The following EIF4ENIF1 variants were observed in gnomAD, a reference collection of about 807,000 sequenced individuals.
The protein encoded by EIF4ENIF1 is eukaryotic translation initiation factor 4E nuclear import factor 1.
Under a neutral mutation model 110.5 loss-of-function variants are expected in EIF4ENIF1, and 23 were observed. That is an observed-to-expected ratio of 0.21 (90% confidence interval 0.15 to 0.29). The LOEUF (loss-of-function observed/expected upper bound fraction) is 0.29, where lower values mean the gene tolerates loss of function less well. EIF4ENIF1 is among the 10% of genes least tolerant of loss of function. EIF4ENIF1 has a pLI of 1.00. For synonymous variants in EIF4ENIF1, 440 were observed against 437.0 expected (o/e 1.01, Z -0.09); for missense variants, 1,031 against 1,221.1 (o/e 0.84, Z 2.32).
At chr22:31,491,756 T>TG, upstream of EIF4ENIF1, among the ~76,000 whole-genome samples, 1 of 152,124 alleles carries the variant, frequency 6.6e-6, no homozygotes, top group Non-Finnish European at 1.5e-5. Context: ...TTGCTCAGGC[T>TG]GGTCTCAAAT....
chr22:31,484,378 G>A (rs1019815169), intron 2 of EIF4ENIF1, among the ~76,000 whole-genome samples: 55 of 152,030 alleles, frequency 3.6e-4, no homozygotes, highest in African/African-American at 1.3e-3. Context: ...AAAACTCTTC[G>A]AATTCTGAAC....
chr22:31,484,796 C>T (rs1411517356), intron 2 of EIF4ENIF1, among the ~76,000 whole-genome samples: 1 of 152,208 alleles, frequency 6.6e-6, no homozygotes, highest in Admixed American at 6.5e-5. Flanking sequence ...GGCGCCATTG[C>T]ACTCCAGCCT....
intron 15 of EIF4ENIF1, 136 bp from the exon 16 acceptor site, chr22:31,443,230 G>A: frequency 7.9e-7 from 1 of 1,272,448 alleles, no homozygotes; most frequent in Non-Finnish European, 1.1e-6. Flanking sequence ...ATTCTGTTCT[G>A]TAGCTGCTGG....
rs138420924 is a variant in EIF4ENIF1 at position 31,481,798 on chromosome 22, A to G, written c.96+6825T>C. 2.4e-3 allele frequency among the ~76,000 whole-genome samples: 369 copies of G among 152,288 alleles called. 4 individuals are homozygous for G. The highest frequency in any genetic ancestry group is 8.5e-3 in the African/African-American group (355 of 41,558). On this transcript the variant is annotated intron_variant, in intron 2 of 18. Transcript: ENST00000330125. ...CCAATTGGCCTACCAGCCACAAATT[A>G]GGATGGCCTCCCTTAAAGATCCCTG...
At chr22:31,491,027 T>G (rs1253459039), upstream of EIF4ENIF1, among the ~76,000 whole-genome samples, 1 of 152,208 alleles carries the variant, frequency 6.6e-6, no homozygotes, top group Non-Finnish European at 1.5e-5. Context: ...TACAAACTGT[T>G]TTTTTACAGG....
At chr22:31,478,845 G>T (rs1288856592) in intron 2 of EIF4ENIF1, among the ~76,000 whole-genome samples, 1 of 151,450 alleles carries the variant, frequency 6.6e-6, no homozygotes, top group Admixed American at 6.6e-5. Flanking sequence ...CCAGCTACTC[G>T]GGAGGCTGAG....
rs2050265589 is a variant in EIF4ENIF1, at chr22:31,440,728, C to T, written c.2692G>A (p.Val898Met). The part of the protein sequence containing the change: ...RPGTPLHLAM[V>M]QQQLQRSVLH... ...CCTGAGCGCTGTAGCTGCTGTTGCACCATTGCCAGATGCAGAGGTGTTCCA... is the reference window on the plus strand; with the variant it reads ...CCTGAGCGCTGTAGCTGCTGTTGCATCATTGCCAGATGCAGAGGTGTTCCA... The change falls in exon 18 of 19, where the codon GTG becomes ATG. Residue 898 changes from valine (V) to methionine (M), a missense_variant. Transcript: ENST00000330125. The T allele has an allele frequency of 1.9e-6, 3 of 1,613,822 alleles. No homozygotes were observed. The highest frequency in any genetic ancestry group is 2.5e-6 in the Non-Finnish European group (3 of 1,179,864).
intron 14 of EIF4ENIF1, among the ~76,000 whole-genome samples, chr22:31,446,747 T>A (rs755808663): frequency 6.6e-5 from 10 of 152,200 alleles, no homozygotes; most frequent in Non-Finnish European, 1.0e-4. Flanking sequence ...ACAAGGAAGT[T>A]TGCCTTATAA....
At chr22:31,492,974 C>T (rs987888735), upstream of EIF4ENIF1, among the ~76,000 whole-genome samples, 1 of 151,988 alleles carries the variant, frequency 6.6e-6, no homozygotes, top group African/African-American at 2.4e-5. Flanking sequence ...TCATGATCCG[C>T]CCACCTCGGC....
At chr22:31,490,678 A>AG (rs1569116347), upstream of EIF4ENIF1, among the ~76,000 whole-genome samples, 1 of 152,140 alleles carries the variant, frequency 6.6e-6, no homozygotes, top group East Asian at 1.9e-4. Flanking sequence ...TCAGGCTGAC[A>AG]GGGGGCCACA....
At chr22:31,445,663 C>G (rs1018992622) in intron 14 of EIF4ENIF1, among the ~76,000 whole-genome samples, 1 of 152,086 alleles carries the variant, frequency 6.6e-6, no homozygotes, top group Non-Finnish European at 1.5e-5. Flanking sequence ...AATCTCTGGC[C>G]TCATGGAGGT....
At chr22:31,469,296 T>C (rs1385763859) in intron 3 of EIF4ENIF1, among the ~76,000 whole-genome samples, 3 of 152,214 alleles carry the variant, frequency 2.0e-5, no homozygotes, top group African/African-American at 7.2e-5. Context: ...GGCCATGCTA[T>C]ACACTAGCAA....
At chr22:31,442,244 G>C (rs560533496) in intron 16 of EIF4ENIF1, 126 bp from the exon 17 acceptor site, 4 of 738,228 alleles carry the variant, frequency 5.4e-6, no homozygotes, top group Non-Finnish European at 8.9e-6. Flanking sequence ...CAAGTTTAGA[G>C]GACTACACGG....
chr22:31,488,211 CAA>C (rs1192344636), intron 2 of EIF4ENIF1, among the ~76,000 whole-genome samples: 4 of 152,158 alleles, frequency 2.6e-5, no homozygotes, highest in African/African-American at 9.7e-5. Flanking sequence ...AAAGCACACT[CAA>C]GAGCATTCCT....
Position 31,454,157 on chromosome 22 carries a change from T to A in EIF4ENIF1, c.1499A>T (p.Gln500Leu). 3 of 1,614,170 alleles carry A rather than the reference T, an allele frequency of 1.9e-6. No homozygotes were observed. The highest frequency in any genetic ancestry group is 2.5e-6 in the Non-Finnish European group (3 of 1,180,002). The change falls in exon 10 of 19, where the codon CAG becomes CTG. Residue 500 changes from glutamine to leucine, a missense_variant. This residue lies in a region of EIF4ENIF1 where 704 missense variants were observed against 879.7 expected (regional missense o/e 0.80). Transcript: ENST00000330125. The stretch of plus-strand genomic sequence containing the variant: ...TCAGATACTTACGCTGACTTTGGGC[T>A]GAGAAGGCAAAGTCCCACTTGCCTT... Reference protein sequence around the residue: ...TMKASGTLPSQPKVSRNLESH... With the variant: ...TMKASGTLPSLPKVSRNLESH...
At chr22:31,476,980 CAAA>C (rs574308270) in intron 2 of EIF4ENIF1, among the ~76,000 whole-genome samples, 11 of 51,096 alleles carry the variant, frequency 2.2e-4, no homozygotes, top group South Asian at 6.3e-4. Flanking sequence ...GACCCTGTCT[CAAA>C]AAAAAAAAAA....
At chr22:31,473,994 A>T (rs2051482292) in intron 2 of EIF4ENIF1, among the ~76,000 whole-genome samples, 1 of 151,974 alleles carries the variant, frequency 6.6e-6, no homozygotes, top group African/African-American at 2.4e-5. Context: ...CTGTAAAGGC[A>T]AGTCCTCCTT....
At chr22:31,477,521 T>A (rs1290601604) in intron 2 of EIF4ENIF1, among the ~76,000 whole-genome samples, 1 of 152,156 alleles carries the variant, frequency 6.6e-6, no homozygotes, top group East Asian at 1.9e-4. Context: ...TTAACAAAAT[T>A]CTCATTTTCA....
intron 2 of EIF4ENIF1, among the ~76,000 whole-genome samples, chr22:31,474,388 A>G (rs1470682775): frequency 6.6e-6 from 1 of 151,374 alleles, no homozygotes; most frequent in African/African-American, 2.4e-5. Flanking sequence ...TTGGTCTATA[A>G]CTCATTAATG....
Sources: allele counts gnomAD v4.1 joint callset (sites outside exome capture counted in the v4.1 genomes callset), GRCh38; gene constraint gnomAD v4.1.1; regional missense constraint gnomAD v4.1.1; transcripts MANE v1.5; gene names NCBI Gene and HGNC (gene_info 2026-07-23, HGNC 2026-07-21).